Variants in PRPF8 observed in about 807,000 individuals in gnomAD.
PRPF8 encodes the protein pre-mRNA processing factor 8.
Under a neutral mutation model 285.9 loss-of-function variants are expected in PRPF8, and 64 were observed. That is an observed-to-expected ratio of 0.22 (90% confidence interval 0.18 to 0.28). PRPF8 has a LOEUF of 0.28. Among genes scored for constraint, PRPF8 ranks in the 10% least tolerant of loss-of-function variants. The probability of loss-of-function intolerance (pLI) is 1.00; values close to 1 mark genes in which losing one functional copy is unlikely to be tolerated. For missense variants in PRPF8, 1,426 were observed against 3,026.7 expected, an observed-to-expected ratio of 0.47 and a Z score of 12.41; for synonymous variants, 1,325 against 1,118.2, an observed-to-expected ratio of 1.18 and a Z score of -3.69.
At chr17:1,681,141 T>G (rs1912899959) in intron 6 of PRPF8, 87 bp from the exon 7 acceptor site, 1 of 1,426,654 alleles carries the variant, frequency 7.0e-7, no homozygotes, top group African/African-American at 1.4e-5. Context: ...TGCAATGGCA[T>G]GATCATCGTT....
At position 1,661,055 on chromosome 17, in the gene PRPF8, T is replaced by C; in HGVS notation, c.4446A>G (p.Glu1482=). 6.2e-7 allele frequency: 1 copy of C among 1,614,174 alleles called. No individual in the cohort carries two copies. Among genetic ancestry groups the C allele is most frequent in the East Asian group, 2.2e-5 (1 of 44,884 alleles). The change falls in exon 28 of 43, where the codon GAA becomes GAG. Residue 1482 remains glutamate, a synonymous_variant. Transcript: ENST00000304992. This position sits in a 1 kb window ranked among gnomAD's most constrained non-coding sequence, Gnocchi z 7.3. ...TAAAGAGTGTGTGTTCCAGAATGCC[T>C]TCCACACCGCCCAGGGCCTGGATCA... ...TDMIQALGGV[E]GILEHTLFKG... is the part of the protein sequence containing the mutation.
Position 1,683,595 on chromosome 17 carries a change from G to C in PRPF8, c.207C>G (p.Ile69Met). 6.2e-7 allele frequency: 1 copy of C among 1,614,152 alleles called. No individual in the cohort carries two copies. The highest frequency in any genetic ancestry group is 8.5e-7 in the Non-Finnish European group (1 of 1,180,024). ...TGGTCATGTCTCCATGGTCTCGAAT[G>C]ATCTTCCTGACATGTTCTGGGGGCA... The part of the protein sequence containing the change: ...EDMPPEHVRK[I>M]IRDHGDMTNR... The change falls in exon 3 of 43, where the codon ATC (isoleucine) becomes ATG (methionine). Residue 69 changes from isoleucine to methionine, a missense_variant. Physicochemically the swap from Ile to Met is conservative, Grantham distance 10. Around this residue, in one of 34 missense-constraint regions of PRPF8, gnomAD observed 96 missense variants for 188.3 expected, o/e 0.51. Coordinates refer to ENST00000304992, the MANE Select transcript of PRPF8 (RefSeq NM_006445.4).
Position 1,676,391 on chromosome 17 carries a change from T to C in PRPF8, c.2389-21A>G. 1 of 1,614,078 alleles carries C rather than the reference T, an allele frequency of 6.2e-7. No homozygotes were observed. ...CCGTCCTGTAAGGTGGACATGAAAT[T>C]AGCCTCCCGCTACAGCCCGATCCTG... On this transcript the variant is annotated intron_variant, in intron 16 of 42. Coordinates refer to ENST00000304992, the MANE Select transcript of PRPF8 (RefSeq NM_006445.4). This position sits in a 1 kb window ranked among gnomAD's most constrained non-coding sequence, Gnocchi z 6.3.
Position 1,656,741 on chromosome 17 carries a change from A to T in PRPF8, c.5526T>A (p.Ala1842=), listed in dbSNP as rs1444966620. The change falls in exon 35 of 43, where the codon GCT becomes GCA. Residue 1842 remains alanine, a synonymous_variant. Transcript: ENST00000304992. ...ATCGGATCAGGGCGGCCACCTCCTCAGCTGTCTTCCACTTAGCCAACTTAA... is the reference window on the plus strand; with the variant it reads ...ATCGGATCAGGGCGGCCACCTCCTCTGCTGTCTTCCACTTAGCCAACTTAA... ...RLGQLAKWKT[A]EEVAALIRSL... 1 of 1,613,964 alleles carries T rather than the reference A, an allele frequency of 6.2e-7. No homozygotes were observed. Among genetic ancestry groups the T allele is most frequent in the Non-Finnish European group, 8.5e-7 (1 of 1,180,020 alleles).
chr17:1,674,923 C>G (rs1456329582), intron 20 of PRPF8, among the ~76,000 whole-genome samples: 5 of 152,100 alleles, frequency 3.3e-5, no homozygotes, highest in African/African-American at 7.2e-5. Flanking sequence ...AGGCGCCCAC[C>G]ACCACACCCA....
rs370222258 is a variant in PRPF8 at position 1,677,189 on chromosome 17, C to A, written c.1985-17G>T. The stretch of plus-strand genomic sequence containing the variant: ...AGTGTCGACCTGGAAGTAGAGTGTC[C>A]CAAGGGGATTACAAGGAAGATTCCT... On this transcript the variant is annotated splice_polypyrimidine_tract_variant and intron_variant, in intron 14 of 42. Coordinates refer to ENST00000304992, the MANE Select transcript of PRPF8 (RefSeq NM_006445.4). 13 of 1,611,140 alleles carry A rather than the reference C, an allele frequency of 8.1e-6. No individual in the cohort carries two copies. Among genetic ancestry groups the A allele is most frequent in the Non-Finnish European group, 1.1e-5 (13 of 1,178,954 alleles).
chr17:1,675,120 C>T lies in PRPF8; in HGVS notation c.3060+32G>A. The T allele has an allele frequency of 6.2e-7, 1 of 1,612,030 alleles. No individual in the cohort carries two copies. Among genetic ancestry groups the T allele is most frequent in the Non-Finnish European group, 8.5e-7 (1 of 1,179,784 alleles). ...CAGTGGGCCAGACAAGCACTCCACACACAATTCCATGCTACTGCGCCTGAG... is the reference window on the plus strand; with the variant it reads ...CAGTGGGCCAGACAAGCACTCCACATACAATTCCATGCTACTGCGCCTGAG... On this transcript the variant is annotated intron_variant, in intron 20 of 42. Coordinates refer to ENST00000304992, the MANE Select transcript of PRPF8 (RefSeq NM_006445.4). The surrounding 1 kb of genome is among the most constrained non-coding windows in gnomAD (Gnocchi z 6.0).
At chr17:1,669,603 A>G (rs945852323) in intron 24 of PRPF8, among the ~76,000 whole-genome samples, 1 of 152,104 alleles carries the variant, frequency 6.6e-6, no homozygotes, top group Non-Finnish European at 1.5e-5. Flanking sequence ...AGCCTCACCC[A>G]CTGCCATCTG....
rs1182922832 is a variant in PRPF8 at position 1,660,707 on chromosome 17, A to AT, written c.4628dup (p.Asn1543LysfsTer45). On this transcript the variant is annotated frameshift_variant, in exon 29 of 43. Transcript: ENST00000304992. LOFTEE classifies it high-confidence loss of function. ...TGTCAATCACACTCACATTGGCTCG[A>AT]TTAATGGTCGGGGACCACCAGAGGG... The AT allele has an allele frequency of 6.2e-7, 1 of 1,614,148 alleles. No individual in the cohort carries two copies. The highest frequency in any genetic ancestry group is 8.5e-7 in the Non-Finnish European group (1 of 1,180,042).
chr17:1,680,710 C>G lies in PRPF8; in HGVS notation c.1098+16G>C, dbSNP rs769587384. 2 of 1,589,536 alleles carry G rather than the reference C, an allele frequency of 1.3e-6. No homozygotes were observed. Among genetic ancestry groups the G allele is most frequent in the Non-Finnish European group, 1.7e-6 (2 of 1,157,718 alleles). Reference sequence around the variant, plus strand: ...TCCTAGAAGAGCTGAGGGAAAGCATCCCTTCCCTTCCTCACCTTGACTGAG... The same window carrying G: ...TCCTAGAAGAGCTGAGGGAAAGCATGCCTTCCCTTCCTCACCTTGACTGAG... On this transcript the variant is annotated intron_variant, in intron 8 of 42. Coordinates refer to ENST00000304992, the MANE Select transcript of PRPF8 (RefSeq NM_006445.4).
chr17:1,658,433 T>TGCCTTCTTCCCAGCATGTGTACACA lies in PRPF8; in HGVS notation c.5376+68_5377-53dup. ...TGGCCTACACAACACATCCCCATCC[T>TGCCTTCTTCCCAGCATGTGTACACA]GCCTTCTTCCCAGCATGTGTACACA... On this transcript the variant is annotated intron_variant, in intron 33 of 42. Transcript: ENST00000304992. The surrounding 1 kb of genome is among the most constrained non-coding windows in gnomAD (Gnocchi z 4.1). 1 of 1,614,220 alleles carries TGCCTTCTTCCCAGCATGTGTACACA rather than the reference T, an allele frequency of 6.2e-7. No homozygotes were observed. Among genetic ancestry groups the TGCCTTCTTCCCAGCATGTGTACACA allele is most frequent in the Non-Finnish European group, 8.5e-7 (1 of 1,180,034 alleles).
Position 1,675,507 on chromosome 17 carries a change from C to G in PRPF8, c.2872+113G>C. On this transcript the variant is annotated intron_variant, in intron 19 of 42. Transcript: ENST00000304992. The surrounding 1 kb of genome is among the most constrained non-coding windows in gnomAD (Gnocchi z 6.0). ...TCAGTTTAACACGAACACTACTTCC[C>G]TTTACTACCACGCATCAAGAGAGTA... 1 of 1,485,290 alleles carries G rather than the reference C, an allele frequency of 6.7e-7. No individual in the cohort carries two copies. Among genetic ancestry groups the G allele is most frequent in the Non-Finnish European group, 9.4e-7 (1 of 1,065,998 alleles). The allele number at this position is 1,485,290 out of a possible 1,614,324, so 92.0% of individuals were successfully genotyped here.
At chr17:1,657,840 G>C (rs942761540) in intron 34 of PRPF8, among the ~76,000 whole-genome samples, 4 of 150,668 alleles carry the variant, frequency 2.7e-5, no homozygotes, top group Non-Finnish European at 5.9e-5. Flanking sequence ...GCGTGGTGGC[G>C]GGCGCCTGTA....
chr17:1,665,550 A>T (rs1462338499), intron 24 of PRPF8, among the ~76,000 whole-genome samples: 2 of 149,664 alleles, frequency 1.3e-5, no homozygotes, highest in African/African-American at 4.9e-5. Flanking sequence ...ACAAAAAAAA[A>T]CGAGAAAGGT....
In PRPF8 at chr17:1,659,212, G is replaced by C. The variant is rs556514783; in HGVS notation, c.5138+145C>G. ...AGCTAATTTTTTGTATTTTGGTAGA[G>C]ACAGGGTTTCACCATGTTGCCCAGA... is the stretch of plus-strand genomic sequence containing the variant. On this transcript the variant is annotated intron_variant, in intron 32 of 42. Coordinates refer to ENST00000304992, the MANE Select transcript of PRPF8 (RefSeq NM_006445.4). This position sits in a 1 kb window ranked among gnomAD's most constrained non-coding sequence, Gnocchi z 5.1. 1.6e-5 allele frequency: 15 copies of C among 912,342 alleles called. 1 individual carries two copies. The South Asian group carries it at 1.9e-4, about 12-fold the overall frequency. 56.5% of individuals were successfully genotyped at this position (912,342 alleles called of 1,614,324 possible).
At chr17:1,667,612 C>T (rs1912067348) in intron 24 of PRPF8, among the ~76,000 whole-genome samples, 2 of 142,278 alleles carry the variant, frequency 1.4e-5, no homozygotes, top group South Asian at 4.6e-4. Flanking sequence ...GGCGCAATCT[C>T]AGCTCACCGC....
In PRPF8 at chr17:1,674,660, T is replaced by A. The variant is rs201573889; in HGVS notation, c.3081A>T (p.Ser1027=). ...ACTGCAGGCCTCTGATGATCCCATA[T>A]GAATTCGTATGGTTCATGTCCTAGA... ...INYKDMNHTN[S]YGIIRGLQFA... is the part of the protein sequence containing the mutation. Residue 1027 remains serine, a synonymous_variant, in exon 21 of 43, where the codon TCA becomes TCT. Transcript: ENST00000304992. 7.7e-5 allele frequency: 125 copies of A among 1,613,358 alleles called. No homozygotes were observed. The highest frequency in any genetic ancestry group is 1.0e-4 in the Non-Finnish European group (121 of 1,179,472).
rs761491187 is a variant in PRPF8, at chr17:1,684,836, G to A, written c.-68C>T. ...CCCGCAGCGCAATGGCGGCCAGACT[G>A]CGTCCGCTCCGCGTTCCCAGCGCCG... On this transcript the variant is annotated 5_prime_UTR_variant, in exon 1 of 43. Transcript: ENST00000304992. The A allele has an allele frequency of 1.9e-4, 112 of 596,120 alleles. No individual in the cohort carries two copies. Among genetic ancestry groups the A allele is most frequent in the East Asian group, 9.2e-4 (33 of 35,890 alleles). The allele number at this position is 596,120 out of a possible 1,614,324, so 36.9% of individuals were successfully genotyped here. A position where few individuals can be genotyped will look rare whatever the true frequency, so the allele number is the denominator to read the frequency against.
intron 14 of PRPF8, 82 bp from the exon 15 acceptor site, chr17:1,677,254 A>G (rs1399917668): frequency 1.5e-5 from 20 of 1,328,974 alleles, no homozygotes; most frequent in Non-Finnish European, 3.2e-6. Flanking sequence ...CTCCTCACTC[A>G]TTATGGTTAT....
Sources: allele counts gnomAD v4.1 joint callset (sites outside exome capture counted in the v4.1 genomes callset), GRCh38; gene constraint gnomAD v4.1.1; regional missense constraint gnomAD v4.1.1; non-coding constraint Gnocchi (gnomAD v3.1); transcripts MANE v1.5; gene names NCBI Gene and HGNC (gene_info 2026-07-23, HGNC 2026-07-21).